The following MSI2 variants were observed in gnomAD, a reference collection of about 807,000 sequenced individuals.
The protein encoded by MSI2 is RNA-binding protein Musashi homolog 2.
In MSI2, 17 loss-of-function variants were observed where a neutral mutation model predicts 45.6. The observed-to-expected ratio is 0.37, with a 90% confidence interval of 0.26 to 0.56. MSI2 has a LOEUF of 0.56. MSI2 is among the 20% of genes least tolerant of loss of function. The pLI, the probability that MSI2 is intolerant of heterozygous loss-of-function variation, is 0.77. For missense variants in MSI2, 293 were observed against 444.2 expected (o/e 0.66, Z 3.06); for synonymous variants, 156 against 158.2 (o/e 0.99, Z 0.11).
chr17:57,584,527 G>T (rs564853264), intron 7 of MSI2, among the ~76,000 whole-genome samples: 1 of 152,336 alleles, frequency 6.6e-6, no homozygotes, highest in East Asian at 1.9e-4. Context: ...GGCTCTGTCA[G>T]TGGGACTGGT....
At chr17:57,326,058 G>T (rs564479718) in intron 5 of MSI2, among the ~76,000 whole-genome samples, 17 of 152,108 alleles carry the variant, frequency 1.1e-4, no homozygotes, top group African/African-American at 4.1e-4. Flanking sequence ...AGCTTAAACC[G>T]TGCCTTTTTA....
chr17:57,489,123 G>A (rs937371680), intron 6 of MSI2, among the ~76,000 whole-genome samples: 7 of 152,218 alleles, frequency 4.6e-5, no homozygotes, highest in Non-Finnish European at 1.0e-4. Context: ...CCAACTGGCT[G>A]AGTAGACTTC....
chr17:57,410,007 C>CAAAAAAAAAAAA (rs1960012378), intron 6 of MSI2, among the ~76,000 whole-genome samples: 1 of 2,366 alleles, frequency 4.2e-4, no homozygotes, highest in Non-Finnish European at 1.5e-3. Flanking sequence ...GACTCTGTCT[C>CAAAAAAAAAAAA]CAAAAAAAAA....
At chr17:57,450,265 AAGAAAGAAAGAAAGAAAG>A (rs2084977652) in intron 6 of MSI2, 1 of 78,918 alleles carries the variant, frequency 1.3e-5, no homozygotes, top group Non-Finnish European at 2.7e-5. Flanking sequence ...TAAAGAAAGA[AAGAAAGAAAGAAAGAAAG>A]AAAGAAAGAA....
chr17:57,357,907 C>G (rs1287370705), intron 5 of MSI2, among the ~76,000 whole-genome samples: 3 of 152,134 alleles, frequency 2.0e-5, no homozygotes, highest in Non-Finnish European at 4.4e-5. Context: ...TACCTTTGAC[C>G]TTAGTGACTT....
chr17:57,280,174 G>T lies in MSI2; in HGVS notation c.312+17982G>T, dbSNP rs1340282791. ...ATGCAGAGAGTGAGGAGGACAGGGGGACAGGCGAGGTCACACTTGCGTTGG... is the reference window on the plus strand; with the variant it reads ...ATGCAGAGAGTGAGGAGGACAGGGGTACAGGCGAGGTCACACTTGCGTTGG... On this transcript the variant is annotated intron_variant, in intron 5 of 13. Coordinates refer to ENST00000284073, the MANE Select transcript of MSI2 (RefSeq NM_138962.4). This position sits in a 1 kb window ranked among gnomAD's most constrained non-coding sequence, Gnocchi z 4.2. 1.3e-5 allele frequency among the ~76,000 whole-genome samples: 2 copies of T among 152,156 alleles called. No homozygotes were observed. The highest frequency in any genetic ancestry group is 2.9e-5 in the Non-Finnish European group (2 of 68,032).
At chr17:57,260,315 T>TA (rs2143169443) in intron 4 of MSI2, among the ~76,000 whole-genome samples, 1 of 152,348 alleles carries the variant, frequency 6.6e-6, no homozygotes, top group South Asian at 2.1e-4. Flanking sequence ...AATGCTCTGA[T>TA]ACGGCCACAC....
intron 6 of MSI2, among the ~76,000 whole-genome samples, chr17:57,463,220 G>A (rs1222609524): frequency 6.6e-6 from 1 of 152,192 alleles, no homozygotes; most frequent in African/African-American, 2.4e-5. Context: ...CCTGCATTGA[G>A]AGGGAAGGCG....
intron 5 of MSI2, among the ~76,000 whole-genome samples, chr17:57,370,104 A>T (rs2083398677): frequency 6.6e-6 from 1 of 152,230 alleles, no homozygotes; most frequent in African/African-American, 2.4e-5. Context: ...CCAGCCCATG[A>T]GTTTGAATGA....
At chr17:57,551,916 C>T (rs1486339813) in intron 7 of MSI2, among the ~76,000 whole-genome samples, 4 of 152,192 alleles carry the variant, frequency 2.6e-5, no homozygotes, top group Non-Finnish European at 5.9e-5. Context: ...CCTGTGCCCA[C>T]CCAACCTTTC....
In MSI2 at chr17:57,596,764, C is replaced by A; in HGVS notation, c.455-104C>A. The A allele has an allele frequency of 2.6e-6, 2 of 759,694 alleles. No individual in the cohort carries two copies. Among genetic ancestry groups the A allele is most frequent in the South Asian group, 1.5e-5 (1 of 68,266 alleles). The allele number at this position is 759,694 out of a possible 1,614,324, so 47.1% of individuals were successfully genotyped here. A position where few individuals can be genotyped will look rare whatever the true frequency, so the allele number is the denominator to read the frequency against. ...AGGATCCGCCTACCTACCCCCAGAC[C>A]AGGAGGCTGTCAAGACCTCAGGACG... On this transcript the variant is annotated intron_variant, in intron 7 of 13. Transcript: ENST00000284073. The surrounding 1 kb of genome is among the most constrained non-coding windows in gnomAD (Gnocchi z 4.6).
At chr17:57,587,080 C>A (rs1004867254) in intron 7 of MSI2, among the ~76,000 whole-genome samples, 4 of 152,110 alleles carry the variant, frequency 2.6e-5, no homozygotes, top group Admixed American at 6.5e-5. Flanking sequence ...GCTGGCAGAG[C>A]CCAGGGATCT....
At chr17:57,634,311 C>T (rs1427527375) in intron 10 of MSI2, among the ~76,000 whole-genome samples, 1 of 152,058 alleles carries the variant, frequency 6.6e-6, no homozygotes, top group East Asian at 1.9e-4. Context: ...ACTAAAAATA[C>T]AAAAAATAGC....
chr17:57,355,352 A>G (rs1916338591), intron 5 of MSI2, among the ~76,000 whole-genome samples: 1 of 152,194 alleles, frequency 6.6e-6, no homozygotes, highest in Non-Finnish European at 1.5e-5. Flanking sequence ...GGCCTTGCTT[A>G]GGTCACAGGT....
chr17:57,273,690 T>C, intron 5 of MSI2, among the ~76,000 whole-genome samples: 1 of 152,206 alleles, frequency 6.6e-6, no homozygotes, highest in East Asian at 1.9e-4. Context: ...TCATCCTGTT[T>C]GCTCAAAGCC....
chr17:57,576,753 TAAA>T (rs569924345), intron 7 of MSI2, among the ~76,000 whole-genome samples: 19 of 128,694 alleles, frequency 1.5e-4, no homozygotes, highest in African/African-American at 1.2e-4. Context: ...AATCTGTCTT[TAAA>T]AAAAAAAAAA....
At chr17:57,284,394 T>C (rs1238945619) in intron 5 of MSI2, among the ~76,000 whole-genome samples, 1 of 152,148 alleles carries the variant, frequency 6.6e-6, no homozygotes, top group Non-Finnish European at 1.5e-5. Context: ...CTGATGTGTC[T>C]CTCACTCCAA....
intron 5 of MSI2, among the ~76,000 whole-genome samples, chr17:57,312,802 C>A (rs186319395): frequency 1.3e-5 from 2 of 152,224 alleles, no homozygotes; most frequent in Admixed American, 1.3e-4. Context: ...TCCAGGGCAC[C>A]ATTATAGTTC....
chr17:57,627,050 GC>G lies in MSI2; in HGVS notation c.653-174del. 3.2e-6 allele frequency: 2 copies of G among 625,216 alleles called. No homozygotes were observed. The allele number at this position is 625,216 out of a possible 1,614,324, so 38.7% of individuals were successfully genotyped here. A position where few individuals can be genotyped will look rare whatever the true frequency, so the allele number is the denominator to read the frequency against. On this transcript the variant is annotated intron_variant, in intron 9 of 13. Coordinates refer to ENST00000284073, the MANE Select transcript of MSI2 (RefSeq NM_138962.4). This position sits in a 1 kb window ranked among gnomAD's most constrained non-coding sequence, Gnocchi z 4.6. ...TTAATTAGCAACAGCTGACAGCAGC[GC>G]CCCCGGCCACAGGAGAGAGGTGACC...
Sources: allele counts gnomAD v4.1 joint callset (sites outside exome capture counted in the v4.1 genomes callset), GRCh38; gene constraint gnomAD v4.1.1; non-coding constraint Gnocchi (gnomAD v3.1); transcripts MANE v1.5; gene names NCBI Gene and HGNC (gene_info 2026-07-23, HGNC 2026-07-21).